Variants in ABCC1 observed in about 807,000 individuals in gnomAD.
The protein encoded by ABCC1 is multidrug resistance-associated protein 1.
In ABCC1, 83 loss-of-function variants were observed where a neutral mutation model predicts 172.9. The ratio of observed to expected loss-of-function variants is 0.48; its 90% CI spans 0.40 to 0.58. ABCC1 has a LOEUF of 0.58. Ranked by LOEUF, ABCC1 falls within the 20% of genes least tolerant of loss-of-function variation. The pLI, the probability that ABCC1 is intolerant of heterozygous loss-of-function variation, is 0.00. For synonymous variants in ABCC1, 937 were observed against 825.2 expected (o/e 1.14, Z -2.32); for missense variants, 1,817 against 2,002.7 (o/e 0.91, Z 1.77).
In ABCC1 at chr16:16,130,454, T is replaced by C. The variant is rs953641485; in HGVS notation, c.3820-1335T>C. Among the ~76,000 whole-genome samples, 15 of 152,204 alleles carry C rather than the reference T, an allele frequency of 9.9e-5. 1 individual carries two copies. Among genetic ancestry groups the C allele is most frequent in the Non-Finnish European group, 2.2e-4 (15 of 68,042 alleles). Reference sequence around the variant, plus strand: ...CTTGTTTCTTTTTTACTCACTGCAGTGTGAGGAACAAATCACATTTACTTT... The same window carrying C: ...CTTGTTTCTTTTTTACTCACTGCAGCGTGAGGAACAAATCACATTTACTTT... On this transcript the variant is annotated intron_variant, in intron 26 of 30. Transcript: ENST00000399410.
intron 1 of ABCC1, among the ~76,000 whole-genome samples, chr16:15,952,592 GACAGGTC>G (rs2045897963): frequency 6.6e-6 from 1 of 151,922 alleles, no homozygotes; most frequent in Non-Finnish European, 1.5e-5. Context: ...AGGGCCTGAG[GACAGGTC>G]ACAGCAGCCC....
intron 19 of ABCC1, among the ~76,000 whole-genome samples, chr16:16,101,936 C>G (rs1249640616): frequency 1.3e-5 from 2 of 152,240 alleles, no homozygotes; most frequent in African/African-American, 4.8e-5. Flanking sequence ...ACCAAGGCAT[C>G]TGCCAGGGCT....
chr16:15,999,769 T>TC (rs2047186174), intron 1 of ABCC1, among the ~76,000 whole-genome samples: 2 of 25,362 alleles, frequency 7.9e-5, no homozygotes, highest in African/African-American at 2.1e-4. Flanking sequence ...CCCGGCCTCT[T>TC]TCTCTCTCTC....
chr16:15,975,244 G>T (rs554576184), intron 1 of ABCC1, among the ~76,000 whole-genome samples: 2 of 152,320 alleles, frequency 1.3e-5, no homozygotes, highest in Non-Finnish European at 2.9e-5. Flanking sequence ...CTCTCCTGGG[G>T]TGCAGGAGGT....
chr16:16,081,246 G>A (rs2050794587), intron 16 of ABCC1, among the ~76,000 whole-genome samples: 1 of 152,148 alleles, frequency 6.6e-6, no homozygotes, highest in South Asian at 2.1e-4. Flanking sequence ...ATACATTGTG[G>A]TTGGGTCCAA....
chr16:15,968,913 A>G (rs1205373744), intron 1 of ABCC1, among the ~76,000 whole-genome samples: 1 of 143,318 alleles, frequency 7.0e-6, no homozygotes, highest in Non-Finnish European at 1.5e-5. Context: ...TTTTTTTTGT[A>G]TTGAAAACAG....
At chr16:15,957,037 C>G (rs2046013122) in intron 1 of ABCC1, among the ~76,000 whole-genome samples, 1 of 152,072 alleles carries the variant, frequency 6.6e-6, no homozygotes, top group Non-Finnish European at 1.5e-5. Flanking sequence ...AATGAACACT[C>G]AGATAAACTG....
chr16:16,015,131 C>CTTT (rs10694441), intron 4 of ABCC1, among the ~76,000 whole-genome samples: 10,339 of 124,422 alleles, frequency 0.083, 859 homozygotes, highest in African/African-American at 0.18. Context: ...GGAGTGTGCA[C>CTTT]TTTTTTTTTT....
intron 1 of ABCC1, among the ~76,000 whole-genome samples, chr16:15,952,716 TAAAAAAAAAAAAAAAAAA>T (rs57105111): frequency 5.0e-5 from 2 of 40,288 alleles, no homozygotes; most frequent in Non-Finnish European, 7.8e-5. Flanking sequence ...GTGAGTTCAT[TAAAAAAAAAAAAAAAAAA>T]AAAAAAAAAA....
chr16:16,033,072 C>G (rs1203500727), intron 5 of ABCC1, 37 bp from the exon 6 acceptor site: 2 of 1,599,986 alleles, frequency 1.3e-6, no homozygotes, highest in Admixed American at 1.7e-5. Flanking sequence ...TCATTCCTTT[C>G]CCTCTTCCTC....
intron 1 of ABCC1, among the ~76,000 whole-genome samples, chr16:15,976,492 C>A (rs2151563213): frequency 6.6e-6 from 1 of 152,200 alleles, no homozygotes; most frequent in South Asian, 2.1e-4. Flanking sequence ...TAGACTGAAA[C>A]CCAGGCAGTC....
intron 1 of ABCC1, among the ~76,000 whole-genome samples, chr16:15,960,175 A>G (rs2046096319): frequency 6.6e-6 from 1 of 152,126 alleles, no homozygotes; most frequent in Admixed American, 6.5e-5. Flanking sequence ...TCGACCTCCC[A>G]GGCCAAGTGA....
intron 3 of ABCC1, among the ~76,000 whole-genome samples, chr16:16,013,483 C>A (rs1000160424): frequency 6.6e-6 from 1 of 151,952 alleles, no homozygotes; most frequent in Non-Finnish European, 1.5e-5. Flanking sequence ...GTTGGCCAGG[C>A]TGGTCTCAAA....
chr16:16,099,303 G>A (rs2239996), intron 19 of ABCC1, among the ~76,000 whole-genome samples: 60,582 of 152,128 alleles, frequency 0.4, 14,498 homozygotes, highest in Non-Finnish European at 0.53. Flanking sequence ...ACACACATGG[G>A]CCCAGACAAT....
chr16:16,136,138 C>T (rs1251671227), intron 28 of ABCC1, among the ~76,000 whole-genome samples: 1 of 151,984 alleles, frequency 6.6e-6, no homozygotes, highest in African/African-American at 2.4e-5. Flanking sequence ...ATTCTCCTGC[C>T]TCAGTCTCCT....
chr16:16,135,655 C>T (rs575871220), intron 28 of ABCC1, among the ~76,000 whole-genome samples: 1 of 152,088 alleles, frequency 6.6e-6, no homozygotes, highest in East Asian at 1.9e-4. Flanking sequence ...GGGGTTTCAC[C>T]ATGTTACCCA....
intron 17 of ABCC1, among the ~76,000 whole-genome samples, chr16:16,083,796 A>G (rs902094702): frequency 6.6e-6 from 1 of 152,300 alleles, no homozygotes; most frequent in African/African-American, 2.4e-5. Context: ...GGCTCTTCTC[A>G]TGGTGGCAGC....
In ABCC1 at chr16:16,033,105, C is replaced by T. The variant is rs1462024919; in HGVS notation, c.616-4C>T. On this transcript the variant is annotated splice_polypyrimidine_tract_variant and splice_region_variant and intron_variant, in intron 5 of 30. Coordinates refer to ENST00000399410, the MANE Select transcript of ABCC1 (RefSeq NM_004996.4). ...CTCCCAAACCTGTGCTTTCTTTCCA[C>T]TAGAATCCCTGCCCAGAGTCCAGCG... 6.2e-7 allele frequency: 1 copy of T among 1,613,956 alleles called. No homozygotes were observed. Among genetic ancestry groups the T allele is most frequent in the Admixed American group, 1.7e-5 (1 of 59,988 alleles).
intron 10 of ABCC1, among the ~76,000 whole-genome samples, chr16:16,049,557 T>C (rs1362027973): frequency 6.6e-6 from 1 of 152,184 alleles, no homozygotes; most frequent in Non-Finnish European, 1.5e-5. Flanking sequence ...CCCCCAAGGC[T>C]GTAACAAACA....
Sources: gnomAD v4.1 joint callset for allele counts (sites outside exome capture counted in the v4.1 genomes callset) on GRCh38, gnomAD v4.1.1 for gene constraint, MANE v1.5 for transcripts, NCBI Gene and HGNC (gene_info 2026-07-23, HGNC 2026-07-21) for gene names.